The following CDC25C variants were observed in gnomAD, a reference collection of about 807,000 sequenced individuals.
CDC25C encodes the protein M-phase inducer phosphatase 3.
Under a neutral mutation model 52.5 loss-of-function variants are expected in CDC25C, and 48 were observed. The observed-to-expected ratio is 0.91, with a 90% CI of 0.72 to 1.16. The LOEUF is 1.16. Among genes scored for constraint, CDC25C ranks in the 50% most tolerant of loss-of-function variants. The pLI is 0.00. For missense variants in CDC25C, 510 were observed against 566.1 expected, an observed-to-expected ratio of 0.90 and a Z score of 1.01; for synonymous variants, 187 against 206.5, an observed-to-expected ratio of 0.91 and a Z score of 0.81.
At position 138,330,999 on chromosome 5, in the gene CDC25C, C is replaced by T; in HGVS notation, c.182G>A (p.Ser61Asn). Residue 61 changes from serine (S) to asparagine (N), a missense_variant, in exon 2 of 14, where the codon AGC (serine) becomes AAC (asparagine). Coordinates refer to ENST00000323760, the MANE Select transcript of CDC25C (RefSeq NM_001790.5). Reference sequence around the variant, plus strand: ...AAAGTATATTTACCCAGACAAAATGCTTAGGTTTGCAGAATCACCAAGAAA... The same window carrying T: ...AAAGTATATTTACCCAGACAAAATGTTTAGGTTTGCAGAATCACCAAGAAA... Reference protein sequence around the residue: ...GKFLGDSANLSILSGGTPKRC... With the variant: ...GKFLGDSANLNILSGGTPKRC... The T allele has an allele frequency of 1.2e-6, 2 of 1,609,724 alleles. No individual in the cohort carries two copies. The highest frequency in any genetic ancestry group is 1.7e-6 in the Non-Finnish European group (2 of 1,176,032).
At chr5:138,329,726 C>CTTTTTTTTT (rs71574413) in intron 2 of CDC25C, 79 bp from the exon 3 acceptor site, 3 of 293,696 alleles carry the variant, frequency 1.0e-5, no homozygotes, top group South Asian at 3.0e-5. Context: ...TCATCCTCTT[C>CTTTTTTTTT]TTTTTTTTTT....
Position 138,286,191 on chromosome 5 carries a change from G to C in CDC25C, c.1161-58C>G, listed in dbSNP as rs1756210631. ...AAAGAAACAAGGTCAGGATCCCAGG[G>C]GCCATTCACTGGGGAGGGGGGAGAG... On this transcript the variant is annotated intron_variant, in intron 12 of 13. Transcript: ENST00000323760. The C allele has an allele frequency of 2.3e-6, 3 of 1,320,596 alleles. No individual in the cohort carries two copies. In the South Asian group the frequency reaches 3.6e-5, roughly 16 times the overall value. 81.8% of individuals were successfully genotyped at this position (1,320,596 alleles called of 1,614,324 possible).
intron 8 of CDC25C, among the ~76,000 whole-genome samples, chr5:138,291,703 G>A (rs1033390715): frequency 6.6e-6 from 1 of 151,820 alleles, no homozygotes; most frequent in Non-Finnish European, 1.5e-5. Flanking sequence ...ATAGGCGTGA[G>A]CCACTGCACC....
At chr5:138,310,986 A>T (rs1278159954) in intron 7 of CDC25C, among the ~76,000 whole-genome samples, 1 of 152,266 alleles carries the variant, frequency 6.6e-6, no homozygotes, top group Non-Finnish European at 1.5e-5. Context: ...AAAGACAGAC[A>T]TATAGACCAA....
intron 7 of CDC25C, among the ~76,000 whole-genome samples, chr5:138,302,060 T>G (rs1166326937): frequency 6.6e-6 from 1 of 151,350 alleles, no homozygotes; most frequent in Non-Finnish European, 1.5e-5. Flanking sequence ...AGTGGCACGA[T>G]CTCAGCTCAC....
intron 7 of CDC25C, among the ~76,000 whole-genome samples, chr5:138,314,994 C>A (rs1337163034): frequency 6.9e-6 from 1 of 144,142 alleles, no homozygotes; most frequent in African/African-American, 2.6e-5. Context: ...GCGGTGCGAT[C>A]TCGGCTCACT....
chr5:138,326,868 C>T (rs1759905925), intron 4 of CDC25C, among the ~76,000 whole-genome samples: 1 of 144,528 alleles, frequency 6.9e-6, no homozygotes, highest in Non-Finnish European at 1.5e-5. Flanking sequence ...AGGAGAATCG[C>T]TTGAACCCGG....
chr5:138,329,726 C>CTT (rs71574413), intron 2 of CDC25C, 79 bp from the exon 3 acceptor site: 5,801 of 291,172 alleles, frequency 0.02, 47 homozygotes, highest in African/African-American at 0.029. Flanking sequence ...TCATCCTCTT[C>CTT]TTTTTTTTTT....
chr5:138,334,364 A>C (rs1229072043), upstream of CDC25C, among the ~76,000 whole-genome samples: 1 of 152,108 alleles, frequency 6.6e-6, no homozygotes, highest in Non-Finnish European at 1.5e-5. Flanking sequence ...CAACAACAAA[A>C]AAACTTTTTT....
intron 6 of CDC25C, among the ~76,000 whole-genome samples, chr5:138,322,465 A>T (rs1413826083): frequency 2.4e-5 from 2 of 82,728 alleles, no homozygotes; most frequent in Non-Finnish European, 5.5e-5. Flanking sequence ...ACGCCCGGCT[A>T]ATTTTTTTTT....
chr5:138,290,066 C>A (rs1459537490), intron 9 of CDC25C, among the ~76,000 whole-genome samples: 1 of 151,178 alleles, frequency 6.6e-6, no homozygotes, highest in African/African-American at 2.4e-5. Flanking sequence ...GACCTTGAAT[C>A]TTAAAAAAAG....
chr5:138,338,313 T>C (rs1320475805), exon 1 of CDC25C: 1 of 526,116 alleles, frequency 1.9e-6, no homozygotes, highest in African/African-American at 2.0e-5. Context: ...CCGCGGTAGG[T>C]GGTGGAGGGC....
At chr5:138,297,719 G>A (rs1452566922) in intron 7 of CDC25C, among the ~76,000 whole-genome samples, 1 of 152,156 alleles carries the variant, frequency 6.6e-6, no homozygotes, top group African/African-American at 2.4e-5. Context: ...GAACAAAAGA[G>A]TAAAAGAAAC....
upstream of CDC25C, among the ~76,000 whole-genome samples, chr5:138,335,716 G>A (rs1204939427): frequency 3.3e-5 from 5 of 151,804 alleles, no homozygotes; most frequent in East Asian, 3.9e-4. Flanking sequence ...TATAGATGAC[G>A]AAAGGGGATG....
rs748511566 is a variant in CDC25C, at chr5:138,289,524, G to C, written c.904C>G (p.Leu302Val). The C allele has an allele frequency of 1.9e-6, 3 of 1,613,720 alleles. No individual in the cohort carries two copies. The highest frequency in any genetic ancestry group is 1.3e-5 in the African/African-American group (1 of 75,016). The change falls in exon 10 of 14, where the codon CTG (leucine) becomes GTG (valine). Residue 302 changes from leucine to valine, a missense_variant. By Grantham distance (32) the Leu-to-Val change is conservative. Transcript: ENST00000323760. ...ACTGTTTCTGGGTTGACATACTTCA[G>C]ATCTTGGTGTTTCCCTGACACGGTT... ...LPTVSGKHQD[L>V]KYVNPETVAA...
chr5:138,330,653 G>A (rs1561727263), intron 2 of CDC25C, among the ~76,000 whole-genome samples: 1 of 152,134 alleles, frequency 6.6e-6, no homozygotes, highest in Non-Finnish European at 1.5e-5. Flanking sequence ...GACTATAGGT[G>A]CACACCACCA....
Position 138,285,694 on chromosome 5 carries a change from A to G in CDC25C, c.1420T>C (p.Ter474ArgextTer1). Residue 474 changes from the stop codon to arginine, a stop_lost, in exon 14 of 14, where the codon TGA becomes CGA. Transcript: ENST00000323760. ...IALLVKDMSP* is the reference protein window; with the variant it reads ...IALLVKDMSPR ...AGCAGCCAGTGGCTGGAATGTTATCATGGGCTCATGTCCTTCACCAGAAGG... is the reference window on the plus strand; with the variant it reads ...AGCAGCCAGTGGCTGGAATGTTATCGTGGGCTCATGTCCTTCACCAGAAGG... 1 of 1,613,810 alleles carries G rather than the reference A, an allele frequency of 6.2e-7. No individual in the cohort carries two copies. The highest frequency in any genetic ancestry group is 8.5e-7 in the Non-Finnish European group (1 of 1,179,920).
At chr5:138,314,876 C>T (rs1351489260) in intron 7 of CDC25C, among the ~76,000 whole-genome samples, 1 of 150,378 alleles carries the variant, frequency 6.6e-6, no homozygotes, top group African/African-American at 2.5e-5. Flanking sequence ...CCATCTCAAC[C>T]TCCTAAAGTG....
At chr5:138,299,877 C>A (rs1300682392) in intron 7 of CDC25C, among the ~76,000 whole-genome samples, 5 of 151,588 alleles carry the variant, frequency 3.3e-5, no homozygotes, top group Non-Finnish European at 7.4e-5. Flanking sequence ...TTAGCCTGAA[C>A]AATTAAAAAA....
Sources: allele counts gnomAD v4.1 joint callset (sites outside exome capture counted in the v4.1 genomes callset), GRCh38; gene constraint gnomAD v4.1.1; transcripts MANE v1.5; gene names NCBI Gene and HGNC (gene_info 2026-07-23, HGNC 2026-07-21).